NAA25: variants seen among roughly 807,000 people sequenced by gnomAD.
NAA25 encodes the protein N-alpha-acetyltransferase 25, NatB auxiliary subunit, also known as N-terminal acetyltransferase B complex subunit NAA25.
NAA25 carries 30 observed loss-of-function variants against 132.5 expected under a neutral mutation model. The observed-to-expected ratio is 0.23, with a 90% CI of 0.17 to 0.31. The LOEUF is 0.31. Ranked by LOEUF, NAA25 falls within the 10% of genes least tolerant of loss-of-function variation. The pLI is 1.00. For missense variants in NAA25, 771 were observed against 1,150.4 expected, an observed-to-expected ratio of 0.67 and a Z score of 4.77; for synonymous variants, 359 against 401.9, an observed-to-expected ratio of 0.89 and a Z score of 1.28.
chr12:112,094,136 G>A (rs891819994), intron 1 of NAA25, among the ~76,000 whole-genome samples: 3 of 151,004 alleles, frequency 2.0e-5, no homozygotes, highest in Non-Finnish European at 4.4e-5. Context: ...AGCTACTGGG[G>A]AGGCTGAGAC....
At chr12:112,066,680 T>C (rs1168455508) in intron 11 of NAA25, among the ~76,000 whole-genome samples, 1 of 152,228 alleles carries the variant, frequency 6.6e-6, no homozygotes, top group Non-Finnish European at 1.5e-5. Context: ...CAGAAACTTC[T>C]AGGCTTGGCC....
At chr12:112,074,195 G>A (rs2078859119) in intron 9 of NAA25, among the ~76,000 whole-genome samples, 1 of 151,954 alleles carries the variant, frequency 6.6e-6, no homozygotes, top group Non-Finnish European at 1.5e-5. Flanking sequence ...ACAAAAAGTA[G>A]CTGAGCACGG....
chr12:112,048,596 A>G (rs2078421613), intron 15 of NAA25, among the ~76,000 whole-genome samples, 153 bp from the exon 16 acceptor site: 1 of 152,250 alleles, frequency 6.6e-6, no homozygotes, highest in African/African-American at 2.4e-5. Context: ...TTAGCTTTTT[A>G]AAATGTTTTT....
chr12:112,057,175 G>A (rs1038947573), intron 13 of NAA25, among the ~76,000 whole-genome samples: 2 of 152,028 alleles, frequency 1.3e-5, no homozygotes, highest in African/African-American at 2.4e-5. Flanking sequence ...GCAACAGAGC[G>A]AGACTCCATC....
chr12:112,060,506 A>T lies in NAA25; in HGVS notation c.1358-147T>A, dbSNP rs531012291. 1.7e-5 allele frequency: 10 copies of T among 589,256 alleles called. No individual in the cohort carries two copies. The South Asian group carries it at 2.0e-4, about 12-fold the overall frequency. 36.5% of individuals were successfully genotyped at this position (589,256 alleles called of 1,614,324 possible). A position where few individuals can be genotyped will look rare whatever the true frequency, so the allele number is the denominator to read the frequency against. ...ATAAGATAAGTACCAGGAGAAAAAT[A>T]TAAGCCACGATTCAAAGGGTTCAAA... On this transcript the variant is annotated intron_variant, in intron 12 of 23. Coordinates refer to ENST00000261745, the MANE Select transcript of NAA25 (RefSeq NM_024953.4).
rs1452584010 is a variant in NAA25 at position 112,048,392 on chromosome 12, G to A, written c.1780C>T (p.Pro594Ser). 1 of 1,613,888 alleles carries A rather than the reference G, an allele frequency of 6.2e-7. No homozygotes were observed. The highest frequency in any genetic ancestry group is 2.2e-5 in the East Asian group (1 of 44,870). ...AYKYGAFEKI[P>S]EFIAFRNRLN... ...CTGTTCCTAAAAGCGATAAACTCTG[G>A]GATCTTCTCAAATGCACCATATTTG... Residue 594 changes from proline to serine, a missense_variant, in exon 16 of 24, where the codon CCA becomes TCA. Coordinates refer to ENST00000261745, the MANE Select transcript of NAA25 (RefSeq NM_024953.4).
At chr12:112,094,240 CAAA>C (rs199734463) in intron 1 of NAA25, among the ~76,000 whole-genome samples, 1 of 69,282 alleles carries the variant, frequency 1.4e-5, no homozygotes, top group African/African-American at 5.0e-5. Context: ...GACTCTGTCT[CAAA>C]AAAAAAAAAA....
rs2078268871 is a variant in NAA25 at position 112,039,263 on chromosome 12, T to G, written c.2615A>C (p.Lys872Thr). ...GCTGGTTTCTTTTTTCTTCTTTTTC[T>G]TTTTCTGTAAATTTAGTTTGTATGG... ...LRPYKLNLQKKKKKKKETSII... is the reference protein window; with the variant it reads ...LRPYKLNLQKTKKKKKETSII... The change falls in exon 22 of 24, where the codon AAG (lysine) becomes ACG (threonine). Residue 872 changes from lysine (K) to threonine (T), a missense_variant. Transcript: ENST00000261745. The G allele has an allele frequency of 6.2e-7, 1 of 1,606,106 alleles. No individual in the cohort carries two copies. Among genetic ancestry groups the G allele is most frequent in the South Asian group, 1.1e-5 (1 of 89,300 alleles).
At position 112,088,899 on chromosome 12, in the gene NAA25, C is replaced by T. The variant is rs1432994994; in HGVS notation, c.284-1098G>A. ...CCTCCCAAAGTGCTGGGATTACAGG[C>T]GTGAGCCACTGCGCCCGGCTGAAAG... is the stretch of plus-strand genomic sequence containing the variant. On this transcript the variant is annotated intron_variant, in intron 3 of 23. Transcript: ENST00000261745. 3.9e-5 allele frequency among the ~76,000 whole-genome samples: 6 copies of T among 151,920 alleles called. No individual in the cohort carries two copies. The East Asian group carries it at 5.8e-4, about 15-fold the overall frequency.
rs1293689568 is a variant in NAA25 at position 112,037,227 on chromosome 12, TAA to T, written c.2649+2000_2649+2001del. Among the ~76,000 whole-genome samples the T allele has an allele frequency of 4.9e-5, 7 of 143,628 alleles. No individual in the cohort carries two copies. In the South Asian group the frequency reaches 1.3e-3, roughly 27 times the overall value. 94.2% of individuals were successfully genotyped at this position (143,628 alleles called of 152,430 possible). A position where few individuals can be genotyped will look rare whatever the true frequency, so the allele number is the denominator to read the frequency against. On this transcript the variant is annotated intron_variant, in intron 22 of 23. Transcript: ENST00000261745. ...ATGGCTTATAATAAAGTGAACTTTT[TAA>T]AAAAGAGTCCATGGTGATACTCAGA...
rs1336504598 is a variant in NAA25 at position 112,069,768 on chromosome 12, C to T, written c.1037-776G>A. Among the ~76,000 whole-genome samples, 15 of 145,098 alleles carry T rather than the reference C, an allele frequency of 1.0e-4. No individual in the cohort carries two copies. The East Asian group carries it at 2.1e-3, about 20-fold the overall frequency. ...CTGGGAGGCGGAAGTTGCAGTGAGCCGAGACTGCGCCACTGCACTCCAGCC... is the reference window on the plus strand; with the variant it reads ...CTGGGAGGCGGAAGTTGCAGTGAGCTGAGACTGCGCCACTGCACTCCAGCC... On this transcript the variant is annotated intron_variant, in intron 10 of 23. Transcript: ENST00000261745.
chr12:112,032,778 T>TG (rs2078166846), intron 23 of NAA25, among the ~76,000 whole-genome samples: 1 of 152,236 alleles, frequency 6.6e-6, no homozygotes. Context: ...ATTCCATACT[T>TG]GGTTTCATTC....
rs1452759057 is a variant in NAA25, at chr12:112,028,484, C to G, written c.*1047G>C. ...TAAGTTTGAAGAAAGTAGTCCAAAC[C>G]TCAAACCCACTGAATAACATTTCTT... On this transcript the variant is annotated 3_prime_UTR_variant, in exon 24 of 24. Coordinates refer to ENST00000261745, the MANE Select transcript of NAA25 (RefSeq NM_024953.4). 1 of 152,146 alleles carries G rather than the reference C, an allele frequency of 6.6e-6. No individual in the cohort carries two copies. The highest frequency in any genetic ancestry group is 1.5e-5 in the Non-Finnish European group (1 of 68,002). The allele number at this position is 152,146 out of a possible 1,614,324, so 9.4% of individuals were successfully genotyped here.
intron 1 of NAA25, among the ~76,000 whole-genome samples, chr12:112,103,132 G>A (rs966450656): frequency 6.6e-6 from 1 of 152,196 alleles, no homozygotes; most frequent in African/African-American, 2.4e-5. Context: ...GGTTACAGGC[G>A]CCTGCCACCA....
At chr12:112,057,490 A>T (rs1472406070) in intron 13 of NAA25, among the ~76,000 whole-genome samples, 1 of 152,208 alleles carries the variant, frequency 6.6e-6, no homozygotes, top group African/African-American at 2.4e-5. Flanking sequence ...AGCCTCATGA[A>T]TCTAGGGGCT....
At chr12:112,104,815 G>A (rs2079338617) in intron 1 of NAA25, among the ~76,000 whole-genome samples, 1 of 149,286 alleles carries the variant, frequency 6.7e-6, no homozygotes, top group South Asian at 2.1e-4. Context: ...CAGCCTGCAG[G>A]ACAGAGTGAG....
At chr12:112,043,322 G>T (rs1176826021) in intron 18 of NAA25, 111 bp from the exon 19 acceptor site, 2 of 1,152,830 alleles carry the variant, frequency 1.7e-6, no homozygotes, top group Non-Finnish European at 2.4e-6. Context: ...TCAGCTAAAA[G>T]CCACTAATCA....
chr12:112,066,181 T>C (rs1332033313), intron 11 of NAA25, among the ~76,000 whole-genome samples: 2 of 152,168 alleles, frequency 1.3e-5, no homozygotes, highest in African/African-American at 2.4e-5. Context: ...TGGTACTAGA[T>C]TCATGGTAGC....
intron 10 of NAA25, among the ~76,000 whole-genome samples, chr12:112,070,546 T>C (rs1361868386): frequency 1.3e-5 from 2 of 152,198 alleles, no homozygotes; most frequent in African/African-American, 4.8e-5. Context: ...TTTGACTTTA[T>C]TGTTTTTGAC....
Sources: allele counts gnomAD v4.1 joint callset (sites outside exome capture counted in the v4.1 genomes callset), GRCh38; gene constraint gnomAD v4.1.1; transcripts MANE v1.5; gene names NCBI Gene and HGNC (gene_info 2026-07-23, HGNC 2026-07-21).